Variants in CMSS1 observed in about 807,000 individuals in gnomAD.
CMSS1 encodes protein CMSS1.
A neutral mutation model predicts 43.5 loss-of-function variants in CMSS1; 33 were observed. That is an observed-to-expected ratio of 0.76 (90% CI 0.57 to 1.01). The LOEUF (loss-of-function observed/expected upper bound fraction) is 1.01, where lower values mean the gene tolerates loss of function less well. CMSS1 is among the 50% of genes least tolerant of loss of function. The pLI is 0.00. For synonymous variants in CMSS1, 115 were observed against 117.2 expected (o/e 0.98, Z 0.12); for missense variants, 313 against 326.4 (o/e 0.96, Z 0.32).
chr3:99,835,997 G>A (rs1261489120), intron 1 of CMSS1, among the ~76,000 whole-genome samples: 1 of 152,116 alleles, frequency 6.6e-6, no homozygotes, highest in Non-Finnish European at 1.5e-5. Context: ...AGATGTGAGG[G>A]TATGTCCAGA....
chr3:99,909,731 G>T (rs1416212099), intron 1 of CMSS1, among the ~76,000 whole-genome samples: 1 of 152,112 alleles, frequency 6.6e-6, no homozygotes, highest in Non-Finnish European at 1.5e-5. Context: ...ATAACTTAAA[G>T]TTGCTATCAG....
intron 1 of CMSS1, among the ~76,000 whole-genome samples, chr3:100,128,097 G>A (rs1415209019): frequency 6.6e-6 from 1 of 152,226 alleles, no homozygotes; most frequent in African/African-American, 2.4e-5. Flanking sequence ...GAAACATGGA[G>A]ATAATAATGA....
chr3:99,947,352 C>T (rs1238395683), intron 1 of CMSS1, among the ~76,000 whole-genome samples: 2 of 152,036 alleles, frequency 1.3e-5, no homozygotes, highest in African/African-American at 4.8e-5. Context: ...TCTTCCATAC[C>T]ATGATATTTG....
intron 1 of CMSS1, among the ~76,000 whole-genome samples, chr3:100,134,336 A>G (rs920252799): frequency 4.6e-5 from 7 of 152,340 alleles, no homozygotes; most frequent in Admixed American, 1.3e-4. Flanking sequence ...GACTTCATCA[A>G]TCCACAATTA....
intron 1 of CMSS1, among the ~76,000 whole-genome samples, chr3:100,139,797 CA>C (rs34956600): frequency 0.46 from 54,219 of 117,752 alleles, 10,414 homozygotes; most frequent in South Asian, 0.51. Flanking sequence ...AACTCCATCT[CA>C]AAAAAAAAAA....
intron 1 of CMSS1, among the ~76,000 whole-genome samples, chr3:99,916,587 A>G (rs1706962635): frequency 6.6e-6 from 1 of 152,082 alleles, no homozygotes; most frequent in Non-Finnish European, 1.5e-5. Flanking sequence ...GCATTATATA[A>G]TTAGTAATCA....
intron 1 of CMSS1, among the ~76,000 whole-genome samples, chr3:99,919,723 G>A (rs1286993936): frequency 6.6e-6 from 1 of 152,040 alleles, no homozygotes; most frequent in African/African-American, 2.4e-5. Flanking sequence ...GGAAAAATAG[G>A]CCTGTCATAA....
chr3:100,058,803 C>T (rs996846060), intron 1 of CMSS1, among the ~76,000 whole-genome samples: 5 of 152,226 alleles, frequency 3.3e-5, no homozygotes, highest in Non-Finnish European at 7.3e-5. Context: ...GCCATGACTT[C>T]TCTTCTGGAG....
At chr3:100,045,301 T>A (rs1271815807) in intron 1 of CMSS1, among the ~76,000 whole-genome samples, 1 of 152,240 alleles carries the variant, frequency 6.6e-6, no homozygotes, top group Admixed American at 6.5e-5. Flanking sequence ...GCACTCAATA[T>A]ATGGTAATTG....
At chr3:99,898,334 T>A (rs1022328546) in intron 1 of CMSS1, 4 of 152,246 alleles carry the variant, frequency 2.6e-5, no homozygotes, top group Non-Finnish European at 2.9e-5. Flanking sequence ...GGCCTGTGTT[T>A]GTCTTGATTC....
chr3:100,008,054 C>T (rs561541167), intron 1 of CMSS1, among the ~76,000 whole-genome samples: 1 of 152,310 alleles, frequency 6.6e-6, no homozygotes, highest in Non-Finnish European at 1.5e-5. Context: ...TTTCCCTCCT[C>T]CAAGTTGACA....
intron 1 of CMSS1, among the ~76,000 whole-genome samples, chr3:99,935,089 A>T (rs1707618599): frequency 6.6e-6 from 1 of 152,142 alleles, no homozygotes; most frequent in African/African-American, 2.4e-5. Flanking sequence ...ATAATTAAGT[A>T]TCTAGAGGAA....
intron 1 of CMSS1, among the ~76,000 whole-genome samples, chr3:99,956,369 G>A (rs1387937994): frequency 6.6e-6 from 1 of 152,024 alleles, no homozygotes; most frequent in Non-Finnish European, 1.5e-5. Context: ...GTTTGTTTTT[G>A]TGAGATGGAC....
At chr3:99,964,849 GA>G (rs1470433503) in intron 1 of CMSS1, among the ~76,000 whole-genome samples, 1 of 152,054 alleles carries the variant, frequency 6.6e-6, no homozygotes, top group Non-Finnish European at 1.5e-5. Context: ...TGTAACTGTG[GA>G]AAAACTCTTT....
chr3:99,818,004 T>C lies in CMSS1; in HGVS notation c.25T>C (p.Trp9Arg), dbSNP rs2107470985. Reference sequence around the variant, plus strand: ...AATGGCAGACGATCTCGGAGACGAGTGGTGGGAGAACCAGCCGACTGGAGC... The same window carrying C: ...AATGGCAGACGATCTCGGAGACGAGCGGTGGGAGAACCAGCCGACTGGAGC... MADDLGDE[W>R]WENQPTGAGS... The change falls in exon 1 of 10, where the codon TGG becomes CGG. Residue 9 changes from tryptophan to arginine, a missense_variant. Transcript: ENST00000421999. 3 of 1,613,808 alleles carry C rather than the reference T, an allele frequency of 1.9e-6. No individual in the cohort carries two copies. Among genetic ancestry groups the C allele is most frequent in the East Asian group, 4.5e-5 (2 of 44,864 alleles).
intron 1 of CMSS1, among the ~76,000 whole-genome samples, chr3:99,838,396 C>T (rs1576498065): frequency 2.0e-5 from 3 of 152,110 alleles, no homozygotes; most frequent in South Asian, 2.1e-4. Context: ...TCAGAAGAGG[C>T]GAGCATTGAT....
chr3:100,080,832 CAT>C (rs2065921434), intron 1 of CMSS1, among the ~76,000 whole-genome samples: 4 of 152,182 alleles, frequency 2.6e-5, no homozygotes, highest in African/African-American at 9.7e-5. Context: ...CCTTTTCTTG[CAT>C]AGTCCTATTT....
chr3:100,059,622 G>A (rs2065525675), intron 1 of CMSS1, among the ~76,000 whole-genome samples: 1 of 152,272 alleles, frequency 6.6e-6, no homozygotes, highest in Admixed American at 6.5e-5. Flanking sequence ...GAGCCAGAAG[G>A]CGGGGGCCAA....
chr3:100,126,109 C>A (rs898979225), intron 1 of CMSS1, among the ~76,000 whole-genome samples: 1 of 152,208 alleles, frequency 6.6e-6, no homozygotes, highest in Non-Finnish European at 1.5e-5. Context: ...AATTGTCACT[C>A]TACCCATATC....
Sources: allele counts gnomAD v4.1 joint callset (sites outside exome capture counted in the v4.1 genomes callset), GRCh38; gene constraint gnomAD v4.1.1; transcripts MANE v1.5; gene names NCBI Gene and HGNC (gene_info 2026-07-23, HGNC 2026-07-21).